CASP6: variants seen among roughly 807,000 people sequenced by gnomAD.
The protein encoded by CASP6 is caspase-6.
CASP6 carries 20 observed loss-of-function variants against 31.8 expected under a neutral mutation model. The ratio of observed to expected loss-of-function variants is 0.63; its 90% confidence interval spans 0.44 to 0.91. The LOEUF is 0.91. Ranked by LOEUF, CASP6 falls within the 40% of genes least tolerant of loss-of-function variation. The probability of loss-of-function intolerance (pLI) is 0.00; values close to 1 mark genes in which losing one functional copy is unlikely to be tolerated. For missense variants in CASP6, 328 were observed against 361.1 expected (o/e 0.91, Z 0.74); for synonymous variants, 130 against 127.8 (o/e 1.02, Z -0.12).
At chr4:109,694,112 CA>C (rs1455509870) in intron 5 of CASP6, among the ~76,000 whole-genome samples, 2 of 152,184 alleles carry the variant, frequency 1.3e-5, no homozygotes, top group Admixed American at 6.5e-5. Context: ...AGGGATGAGA[CA>C]GGATAAGACT....
rs1444993120 is a variant in CASP6 at position 109,697,643 on chromosome 4, T to C, written c.209A>G (p.Asp70Gly). The C allele has an allele frequency of 1.2e-6, 2 of 1,611,512 alleles. No individual in the cohort carries two copies. The highest frequency in any genetic ancestry group is 8.5e-7 in the Non-Finnish European group (1 of 1,179,206). The change falls in exon 3 of 7, where the codon GAT becomes GGT. Residue 70 changes from aspartate to glycine, a missense_variant. Asp to Gly is a moderately conservative substitution (Grantham distance 94, BLOSUM62 -1). Transcript: ENST00000265164. ...CTACCTGCGGGTAAGATTGTCTCTA[T>C]CTGCGCAGGTGCCCCGCCTTTCTGG... ...TLPERRGTCA[D>G]RDNLTRRFSD... is the part of the protein sequence containing the mutation.
chr4:109,702,323 GTTC>G (rs1561264076), intron 1 of CASP6, among the ~76,000 whole-genome samples: 2 of 150,878 alleles, frequency 1.3e-5, no homozygotes, highest in Non-Finnish European at 2.9e-5. Context: ...CAGGCGTTTC[GTTC>G]TTTTTTTTTT....
Position 109,689,395 on chromosome 4 carries a change from T to G in CASP6, c.817A>C (p.Lys273Gln), listed in dbSNP as rs200347007. Residue 273 changes from lysine (K) to glutamine (Q), a missense_variant, in exon 7 of 7, where the codon AAG (lysine) becomes CAG (glutamine). By Grantham distance (53) the Lys-to-Gln change is moderately conservative. Coordinates refer to ENST00000265164, the MANE Select transcript of CASP6 (RefSeq NM_001226.4). Reference sequence around the variant, plus strand: ...ATTGAGGCAAAACAGGGAACCTGCTTCTTTCCAATTGCACTTGGGTCTTTG... The same window carrying G: ...ATTGAGGCAAAACAGGGAACCTGCTGCTTTCCAATTGCACTTGGGTCTTTG... ...FCKDPSAIGK[K>Q]QVPCFASMLT... 1.0e-4 allele frequency: 169 copies of G among 1,614,140 alleles called. No homozygotes were observed. The highest frequency in any genetic ancestry group is 1.4e-4 in the Non-Finnish European group (165 of 1,180,056).
chr4:109,668,732 T>G, the CASP6 span, among the ~76,000 whole-genome samples: 2 of 152,044 alleles, frequency 1.3e-5, no homozygotes, highest in African/African-American at 4.8e-5. Context: ...TTCCACATTT[T>G]TTCTGCCTTT....
At chr4:109,677,442 G>T in the CASP6 span, among the ~76,000 whole-genome samples, 774 of 152,254 alleles carry the variant, frequency 5.1e-3, 3 homozygotes, top group African/African-American at 0.018. Context: ...ATTTTGTGTG[G>T]GAAAAGGACA....
chr4:109,689,232 T>C lies in CASP6; in HGVS notation c.*98A>G. ...CCGACCTCAGGTGATCCGCCCACCTTGGACTCCCAAAGTGCTGGGATTACA... is the reference window on the plus strand; with the variant it reads ...CCGACCTCAGGTGATCCGCCCACCTCGGACTCCCAAAGTGCTGGGATTACA... On this transcript the variant is annotated 3_prime_UTR_variant, in exon 7 of 7. Transcript: ENST00000265164. The C allele has an allele frequency of 8.9e-7, 1 of 1,126,282 alleles. No homozygotes were observed. Among genetic ancestry groups the C allele is most frequent in the Non-Finnish European group, 1.3e-6 (1 of 760,802 alleles). The allele number at this position is 1,126,282 out of a possible 1,614,324, so 69.8% of individuals were successfully genotyped here.
intron 6 of CASP6, among the ~76,000 whole-genome samples, chr4:109,689,890 C>T (rs1031623396): frequency 3.9e-5 from 6 of 151,978 alleles, no homozygotes; most frequent in Non-Finnish European, 7.4e-5. Flanking sequence ...GAACCATTAT[C>T]AAAATATTTT....
intron 6 of CASP6, among the ~76,000 whole-genome samples, chr4:109,690,180 TA>T (rs766890373): frequency 0.041 from 4,937 of 119,618 alleles, 277 homozygotes; most frequent in African/African-American, 0.14. Flanking sequence ...GTGAGACTAT[TA>T]AAAAAAAAAA....
the CASP6 span, among the ~76,000 whole-genome samples, chr4:109,679,463 C>G: frequency 6.6e-6 from 1 of 152,252 alleles, no homozygotes; most frequent in African/African-American, 2.4e-5. Flanking sequence ...CCGGTCAACA[C>G]GGCGAAACCC....
upstream of CASP6, among the ~76,000 whole-genome samples, chr4:109,706,031 T>TATATATATATAA (rs1292562229): frequency 2.4e-5 from 2 of 82,454 alleles, no homozygotes; most frequent in African/African-American, 1.2e-4. Context: ...TATATATATA[T>TATATATATATAA]AATATATATA....
downstream of CASP6, among the ~76,000 whole-genome samples, chr4:109,686,866 G>C (rs1196258896): frequency 2.0e-5 from 3 of 151,644 alleles, no homozygotes; most frequent in African/African-American, 7.3e-5. Context: ...AACAGAGCAA[G>C]ACCCCATCTC....
At chr4:109,667,513 G>A in the CASP6 span, among the ~76,000 whole-genome samples, 1 of 149,932 alleles carries the variant, frequency 6.7e-6, no homozygotes, top group Non-Finnish European at 1.5e-5. Context: ...CAATTTAATT[G>A]ATTTTTTCCA....
downstream of CASP6, chr4:109,685,104 T>A (rs913212287): frequency 9.4e-6 from 5 of 532,396 alleles, no homozygotes; most frequent in Non-Finnish European, 1.7e-5. Flanking sequence ...TGTGTTGGCT[T>A]ATGCTTACTC....
chr4:109,678,897 G>A, the CASP6 span, among the ~76,000 whole-genome samples: 17 of 148,140 alleles, frequency 1.1e-4, no homozygotes, highest in African/African-American at 3.8e-4. Flanking sequence ...CTTCCCAGAC[G>A]GGGTGGCGGC....
At chr4:109,666,542 T>G in the CASP6 span, among the ~76,000 whole-genome samples, 2 of 141,978 alleles carry the variant, frequency 1.4e-5, no homozygotes, top group African/African-American at 5.1e-5. Context: ...TTCTTAATGA[T>G]GTATGATGAT....
the CASP6 span, chr4:109,682,591 G>A: frequency 6.2e-7 from 1 of 1,606,314 alleles, no homozygotes; most frequent in Non-Finnish European, 8.5e-7. Context: ...GAAAAACCAA[G>A]TAATGAGCAC....
chr4:109,707,614 G>A (rs1045215034), upstream of CASP6, among the ~76,000 whole-genome samples: 22 of 151,956 alleles, frequency 1.4e-4, no homozygotes, highest in Admixed American at 5.9e-4. Flanking sequence ...TCAAACTCCC[G>A]ACCTGGTATC....
chr4:109,679,711 G>A, the CASP6 span, among the ~76,000 whole-genome samples: 2 of 152,186 alleles, frequency 1.3e-5, no homozygotes, highest in African/African-American at 4.8e-5. Flanking sequence ...GCAGAAAGTG[G>A]ACTAGTGGAC....
At position 109,689,465 on chromosome 4, in the gene CASP6, G is replaced by A. The variant is rs1729962315; in HGVS notation, c.747C>T (p.Leu249=). Residue 249 remains leucine, a synonymous_variant, in exon 7 of 7, where the codon CTC becomes CTT. Coordinates refer to ENST00000265164, the MANE Select transcript of CASP6 (RefSeq NM_001226.4). ...GAGAAACTTTCCTGTTCACCAGTGT[G>A]AGGAGTTCTGTGAACTCTAAGGAGG... ...YGSSLEFTEL[L]TLVNRKVSQR... 6.2e-7 allele frequency: 1 copy of A among 1,613,400 alleles called. No homozygotes were observed. Among genetic ancestry groups the A allele is most frequent in the Non-Finnish European group, 8.5e-7 (1 of 1,180,020 alleles).
Sources: gnomAD v4.1 joint callset for allele counts (sites outside exome capture counted in the v4.1 genomes callset) on GRCh38, gnomAD v4.1.1 for gene constraint, MANE v1.5 for transcripts, NCBI Gene and HGNC (gene_info 2026-07-23, HGNC 2026-07-21) for gene names.